Variants in HHAT observed in about 807,000 individuals in gnomAD.
HHAT encodes the protein protein-cysteine N-palmitoyltransferase HHAT.
Under a neutral mutation model 70.8 loss-of-function variants are expected in HHAT, and 47 were observed. The ratio of observed to expected loss-of-function variants is 0.66; its 90% CI spans 0.53 to 0.85. The LOEUF is 0.85. Among genes scored for constraint, HHAT ranks in the 40% least tolerant of loss-of-function variants. The pLI, the probability that HHAT is intolerant of heterozygous loss-of-function variation, is 0.00. For synonymous variants in HHAT, 228 were observed against 247.6 expected, an observed-to-expected ratio of 0.92 and a Z score of 0.74; for missense variants, 609 against 604.8, an observed-to-expected ratio of 1.01 and a Z score of -0.07.
chr1:210,522,785 A>G (rs981737562), intron 9 of HHAT, among the ~76,000 whole-genome samples: 2 of 149,400 alleles, frequency 1.3e-5, no homozygotes, highest in African/African-American at 4.9e-5. Context: ...CAATCCCACT[A>G]TACCTCTGGA....
intron 3 of HHAT, among the ~76,000 whole-genome samples, chr1:210,368,263 A>C (rs943020880): frequency 6.6e-6 from 1 of 152,160 alleles, no homozygotes; most frequent in Non-Finnish European, 1.5e-5. Flanking sequence ...GCTTAAGTTC[A>C]AATTTGGCTT....
intron 3 of HHAT, 64 bp from the exon 4 acceptor site, chr1:210,387,404 G>A: frequency 7.6e-7 from 1 of 1,314,658 alleles, no homozygotes; most frequent in African/African-American, 1.4e-5. Flanking sequence ...TTATTAACTG[G>A]AGTTTGTGTT....
chr1:210,512,341 T>C (rs531310600), intron 8 of HHAT, among the ~76,000 whole-genome samples: 48 of 145,846 alleles, frequency 3.3e-4, no homozygotes, highest in Non-Finnish European at 5.9e-4. Flanking sequence ...CCACCCCCCC[T>C]CACCTGCTTC....
chr1:210,418,548 A>C (rs1218221945), intron 7 of HHAT, among the ~76,000 whole-genome samples: 1 of 152,142 alleles, frequency 6.6e-6, no homozygotes, highest in Non-Finnish European at 1.5e-5. Context: ...GGGGACCAAG[A>C]ATGGTGGCAT....
chr1:210,501,477 T>C (rs927335984), intron 8 of HHAT, among the ~76,000 whole-genome samples: 3 of 152,176 alleles, frequency 2.0e-5, no homozygotes, highest in Admixed American at 6.5e-5. Flanking sequence ...ACAAAACTCA[T>C]AGAGGGGTGG....
chr1:210,397,556 ATTT>A lies in HHAT; in HGVS notation c.274-2900_274-2898del, dbSNP rs5780574. Among the ~76,000 whole-genome samples the A allele has an allele frequency of 2.7e-5, 4 of 149,388 alleles. No homozygotes were observed. In the South Asian group the frequency reaches 6.3e-4, roughly 24 times the overall value. ...TTGTTTTGGAACAAAATGCAACACA[ATTT>A]TTTTTTTTTTTGAAAAGTTAAAAAA... On this transcript the variant is annotated intron_variant, in intron 4 of 11. Transcript: ENST00000261458.
At chr1:210,476,869 C>T (rs1481847400) in intron 8 of HHAT, among the ~76,000 whole-genome samples, 4 of 152,198 alleles carry the variant, frequency 2.6e-5, no homozygotes, top group Non-Finnish European at 5.9e-5. Flanking sequence ...TCAGCAAGAT[C>T]TCCTATGAAC....
chr1:210,594,624 T>C (rs148623591), intron 10 of HHAT, among the ~76,000 whole-genome samples: 1,876 of 152,286 alleles, frequency 0.012, 43 homozygotes, highest in African/African-American at 0.043. Flanking sequence ...TGTTTTCCTG[T>C]GTACTTGATA....
At position 210,674,634 on chromosome 1, in the gene HHAT, CT is replaced by C. The variant is rs1242771347; in HGVS notation, c.*257del. On this transcript the variant is annotated 3_prime_UTR_variant, in exon 12 of 12. Coordinates refer to ENST00000261458, the MANE Select transcript of HHAT (RefSeq NM_018194.6). ...AAACGGGTCCAGGGCAGTCGTGTGT[CT>C]TACCCAGCTACACAGGGTGACATTT... The C allele has an allele frequency of 4.5e-6, 2 of 444,600 alleles. No individual in the cohort carries two copies. Among genetic ancestry groups the C allele is most frequent in the Non-Finnish European group, 8.0e-6 (2 of 249,288 alleles). The allele number at this position is 444,600 out of a possible 1,614,324, so 27.5% of individuals were successfully genotyped here. A position where few individuals can be genotyped will look rare whatever the true frequency, so the allele number is the denominator to read the frequency against.
At position 210,491,492 on chromosome 1, in the gene HHAT, G is replaced by A. The variant is rs140391574; in HGVS notation, c.1008-21661G>A. On this transcript the variant is annotated intron_variant, in intron 8 of 11. Coordinates refer to ENST00000261458, the MANE Select transcript of HHAT (RefSeq NM_018194.6). ...GGACCTTGTTCATCTACTTACCAGC[G>A]GAGAACCCTTGGGCAAGTTATTATT... Among the ~76,000 whole-genome samples the A allele has an allele frequency of 6.3e-3, 953 of 152,178 alleles. 11 individuals are homozygous for A. The highest frequency in any genetic ancestry group is 7.8e-3 in the Non-Finnish European group (532 of 67,994).
chr1:210,618,937 C>T (rs1056806125), intron 10 of HHAT, among the ~76,000 whole-genome samples: 1 of 152,216 alleles, frequency 6.6e-6, no homozygotes, highest in Non-Finnish European at 1.5e-5. Context: ...GTTTGGGTTG[C>T]AGTCCTTCCC....
intron 8 of HHAT, among the ~76,000 whole-genome samples, chr1:210,496,027 A>AG (rs1459418185): frequency 2.3e-4 from 33 of 146,612 alleles, no homozygotes; most frequent in Admixed American, 6.2e-4. Flanking sequence ...AAAAAAAAAA[A>AG]AAAGAAAAAG....
chr1:210,625,476 AAC>A (rs1226933799), intron 11 of HHAT, among the ~76,000 whole-genome samples: 1 of 152,218 alleles, frequency 6.6e-6, no homozygotes, highest in Non-Finnish European at 1.5e-5. Flanking sequence ...GTGAGTGCCA[AAC>A]ACACAAAAAT....
At chr1:210,647,967 G>A (rs949074355) in intron 11 of HHAT, among the ~76,000 whole-genome samples, 7 of 152,110 alleles carry the variant, frequency 4.6e-5, no homozygotes, top group Non-Finnish European at 1.0e-4. Context: ...GTCTGGCTCC[G>A]TTTTTGGTGC....
At chr1:210,371,417 T>G (rs2089560801) in intron 3 of HHAT, among the ~76,000 whole-genome samples, 1 of 152,198 alleles carries the variant, frequency 6.6e-6, no homozygotes, top group African/African-American at 2.4e-5. Flanking sequence ...CCCAAAGTGC[T>G]GGGATTACAG....
intron 10 of HHAT, among the ~76,000 whole-genome samples, chr1:210,592,442 G>C (rs147040283): frequency 8.6e-5 from 13 of 152,040 alleles, no homozygotes; most frequent in African/African-American, 2.9e-4. Context: ...GAGCTTTGTC[G>C]TATATTTTGA....
At chr1:210,484,388 A>T (rs890022743) in intron 8 of HHAT, among the ~76,000 whole-genome samples, 2 of 152,146 alleles carry the variant, frequency 1.3e-5, no homozygotes, top group Non-Finnish European at 2.9e-5. Flanking sequence ...TTGTCAGGGT[A>T]TGTCATCTGG....
At chr1:210,351,875 G>A (rs1251508566) in intron 2 of HHAT, among the ~76,000 whole-genome samples, 1 of 152,110 alleles carries the variant, frequency 6.6e-6, no homozygotes, top group Non-Finnish European at 1.5e-5. Flanking sequence ...CAAATCACAG[G>A]GCCAGTCCAG....
At chr1:210,334,434 G>A (rs2085298817) in intron 1 of HHAT, among the ~76,000 whole-genome samples, 1 of 151,976 alleles carries the variant, frequency 6.6e-6, no homozygotes, top group South Asian at 2.1e-4. Context: ...GGGATTACAG[G>A]CATGAGCCAC....
Sources: allele counts gnomAD v4.1 joint callset (sites outside exome capture counted in the v4.1 genomes callset), GRCh38; gene constraint gnomAD v4.1.1; transcripts MANE v1.5; gene names NCBI Gene and HGNC (gene_info 2026-07-23, HGNC 2026-07-21).